FRMPD4: variants seen among roughly 807,000 people sequenced by gnomAD.
FRMPD4 encodes the protein FERM and PDZ domain containing 4, also known as FERM and PDZ domain-containing protein 4.
In FRMPD4, 22 loss-of-function variants were observed where a neutral mutation model predicts 94.1. That is an observed-to-expected ratio of 0.23 (90% CI 0.17 to 0.33). The LOEUF is 0.33. Ranked by LOEUF, FRMPD4 falls within the 10% of genes least tolerant of loss-of-function variation. The probability of loss-of-function intolerance (pLI) is 1.00; values close to 1 mark genes in which losing one functional copy is unlikely to be tolerated. For missense variants in FRMPD4, 1,111 were observed against 1,339.9 expected (o/e 0.83, Z 2.67); for synonymous variants, 631 against 548.6 (o/e 1.15, Z -2.10).
At chrX:12,332,864 A>C (rs1446161648) in intron 1 of FRMPD4, among the ~76,000 whole-genome samples, 1 of 112,210 alleles carries the variant, frequency 8.9e-6, no homozygotes, top group Non-Finnish European at 1.9e-5. Context: ...ATCATTAAGC[A>C]AGGTGCCCTT....
At chrX:11,956,988 C>G (rs952595867) in intron 3 of FRMPD4, among the ~76,000 whole-genome samples, 1 of 112,036 alleles carries the variant, frequency 8.9e-6, no homozygotes, top group Non-Finnish European at 1.9e-5. Context: ...TTCAAGAAGA[C>G]TAGAATACTT....
chrX:11,992,973 T>G (rs1192422092), intron 3 of FRMPD4, among the ~76,000 whole-genome samples: 1 of 107,705 alleles, frequency 9.3e-6, no homozygotes, highest in African/African-American at 3.4e-5. Context: ...GATGTATGAC[T>G]TTCCTGGTCC....
chrX:11,983,993 C>A (rs1299570963), intron 3 of FRMPD4, among the ~76,000 whole-genome samples: 1 of 111,369 alleles, frequency 9.0e-6, no homozygotes, highest in East Asian at 2.8e-4. Flanking sequence ...TGGAGAAAAG[C>A]AAATGTACTT....
chrX:12,690,076 C>T (rs2060065329), intron 7 of FRMPD4, 119 bp from the exon 8 acceptor site: 1 of 490,429 alleles, frequency 2.0e-6, no homozygotes, highest in Admixed American at 3.5e-5. Context: ...TCAGAATCAA[C>T]CAAACGTATA....
intron 4 of FRMPD4, among the ~76,000 whole-genome samples, chrX:12,665,377 G>C (rs905970877): frequency 1.8e-5 from 2 of 110,718 alleles, no homozygotes; most frequent in African/African-American, 6.6e-5. Context: ...CTGGGAGGCA[G>C]AGCTTGCAGT....
chrX:12,425,779 A>G (rs1194635969), intron 1 of FRMPD4, among the ~76,000 whole-genome samples: 1 of 112,093 alleles, frequency 8.9e-6, no homozygotes, highest in Non-Finnish European at 1.9e-5. Context: ...ATGTGCTGTT[A>G]CTCAATACAG....
At chrX:12,520,752 G>A (rs2058153498) in intron 2 of FRMPD4, among the ~76,000 whole-genome samples, 1 of 112,156 alleles carries the variant, frequency 8.9e-6, no homozygotes, top group African/African-American at 3.2e-5. Context: ...GCTACTCACT[G>A]ATTGGACTGG....
chrX:11,994,567 G>A (rs1382455896), intron 3 of FRMPD4, among the ~76,000 whole-genome samples: 1 of 111,170 alleles, frequency 9.0e-6, no homozygotes, highest in Non-Finnish European at 1.9e-5. Flanking sequence ...ACTTACGGGG[G>A]GAGCTGCTGA....
intron 2 of FRMPD4, among the ~76,000 whole-genome samples, chrX:12,541,625 G>A (rs1022584800): frequency 3.6e-5 from 4 of 111,406 alleles, no homozygotes; most frequent in African/African-American, 1.3e-4. Context: ...AAAAGTCCAG[G>A]ACCAGATGGA....
rs771390893 is a variant in FRMPD4 at position 12,716,805 on chromosome X, C to T, written c.2346C>T (p.Asp782=). 5.9e-5 allele frequency: 71 copies of T among 1,211,370 alleles called. 1 individual carries two copies. The East Asian group carries it at 2.1e-3, about 36-fold the overall frequency. Residue 782 remains aspartate (D), a synonymous_variant, in exon 15 of 17, where the codon GAC becomes GAT. Transcript: ENST00000675598. The part of the protein sequence containing the change: ...NLSGSSDDII[D]LTSLPPPEGD... The stretch of plus-strand genomic sequence containing the variant: ...CTGGGTCAAGCGATGACATCATTGA[C>T]CTCACATCCCTGCCCCCTCCAGAAG...
chrX:12,693,391 G>A (rs1452815943), intron 8 of FRMPD4, among the ~76,000 whole-genome samples: 4 of 111,845 alleles, frequency 3.6e-5, no homozygotes, highest in African/African-American at 1.3e-4. Context: ...TCCTTTTGTT[G>A]CAAAAGGAAT....
intron 4 of FRMPD4, among the ~76,000 whole-genome samples, chrX:12,645,194 G>A (rs1447672204): frequency 9.1e-6 from 1 of 109,892 alleles, no homozygotes; most frequent in Non-Finnish European, 1.9e-5. Context: ...TCATACGGTA[G>A]TAGTCTCATA....
At chrX:11,902,023 G>A (rs1230551232) in intron 3 of FRMPD4, among the ~76,000 whole-genome samples, 2 of 112,027 alleles carry the variant, frequency 1.8e-5, no homozygotes, top group African/African-American at 3.2e-5. Context: ...TGTATAGTTT[G>A]TGAAGATTTT....
intron 5 of FRMPD4, among the ~76,000 whole-genome samples, chrX:12,683,144 T>C (rs769809243): frequency 8.9e-6 from 1 of 112,234 alleles, no homozygotes; most frequent in Admixed American, 9.4e-5. Context: ...TAGATCTGAC[T>C]ACCACCTCAC....
At chrX:12,012,111 G>A (rs1161360068) in intron 3 of FRMPD4, among the ~76,000 whole-genome samples, 1 of 110,999 alleles carries the variant, frequency 9.0e-6, no homozygotes, top group Non-Finnish European at 1.9e-5. Flanking sequence ...ATGTTGGCCA[G>A]GATGGTCTCT....
At chrX:12,541,417 G>A (rs1171790421) in intron 2 of FRMPD4, among the ~76,000 whole-genome samples, 8 of 111,375 alleles carry the variant, frequency 7.2e-5, no homozygotes, top group Admixed American at 1.9e-4. Flanking sequence ...TATCACCACC[G>A]ATCCCACAGA....
intron 4 of FRMPD4, among the ~76,000 whole-genome samples, chrX:12,626,285 A>C (rs2148441632): frequency 9.4e-6 from 1 of 106,229 alleles, no homozygotes; most frequent in African/African-American, 3.4e-5. Flanking sequence ...CTATGATGGC[A>C]CCACTGCACA....
At chrX:12,566,445 T>C (rs1053511976) in intron 2 of FRMPD4, among the ~76,000 whole-genome samples, 1 of 111,626 alleles carries the variant, frequency 9.0e-6, no homozygotes, top group African/African-American at 3.3e-5. Context: ...GAGTACTCAA[T>C]GTTAATATGC....
At chrX:12,030,615 C>T (rs866853734) in intron 3 of FRMPD4, among the ~76,000 whole-genome samples, 8 of 111,909 alleles carry the variant, frequency 7.1e-5, no homozygotes, top group African/African-American at 1.9e-4. Flanking sequence ...TTATTTGTTA[C>T]GAGAGGAACC....
Sources: gnomAD v4.1 joint callset for allele counts (sites outside exome capture counted in the v4.1 genomes callset) on GRCh38, gnomAD v4.1.1 for gene constraint, MANE v1.5 for transcripts, NCBI Gene and HGNC (gene_info 2026-07-23, HGNC 2026-07-21) for gene names.